Variants in LIN54 observed in about 807,000 individuals in gnomAD.
The protein encoded by LIN54 is lin-54 DREAM MuvB core complex component.
A neutral mutation model predicts 78.7 loss-of-function variants in LIN54; 9 were observed. That is an observed-to-expected ratio of 0.11 (90% CI 0.07 to 0.20). LIN54 has a LOEUF of 0.20. Ranked by LOEUF, LIN54 falls within the 10% of genes least tolerant of loss-of-function variation. The pLI is 1.00. For synonymous variants in LIN54, 269 were observed against 318.4 expected (o/e 0.84, Z 1.65); for missense variants, 573 against 889.9 (o/e 0.64, Z 4.53).
At chr4:82,977,100 TC>T (rs1349494912) in intron 3 of LIN54, among the ~76,000 whole-genome samples, 1 of 152,214 alleles carries the variant, frequency 6.6e-6, no homozygotes, top group African/African-American at 2.4e-5. Flanking sequence ...TTCAGACACT[TC>T]CGCGAACACC....
chr4:82,945,319 G>A (rs934310858), intron 5 of LIN54, among the ~76,000 whole-genome samples: 3 of 152,054 alleles, frequency 2.0e-5, no homozygotes, highest in Admixed American at 6.6e-5. Flanking sequence ...AAACTATCCC[G>A]ATCCTTTCAT....
At chr4:82,944,790 T>A (rs1723223750) in intron 5 of LIN54, 1 of 151,974 alleles carries the variant, frequency 6.6e-6, no homozygotes, top group Non-Finnish European at 1.5e-5. Flanking sequence ...GAACAAGGAG[T>A]TCCAACTGTA....
chr4:82,976,968 G>A (rs1484113929), intron 3 of LIN54, among the ~76,000 whole-genome samples: 1 of 152,138 alleles, frequency 6.6e-6, no homozygotes, highest in Non-Finnish European at 1.5e-5. Flanking sequence ...TTAAGTCCAT[G>A]CACAATTAAA....
chr4:82,988,364 T>C (rs1478409708), intron 1 of LIN54, among the ~76,000 whole-genome samples: 1 of 152,234 alleles, frequency 6.6e-6, no homozygotes, highest in Non-Finnish European at 1.5e-5. Context: ...TTCTATTCCT[T>C]TTTACTGCTG....
intron 2 of LIN54, among the ~76,000 whole-genome samples, chr4:82,982,929 C>A (rs998238613): frequency 6.6e-6 from 1 of 151,852 alleles, no homozygotes; most frequent in Non-Finnish European, 1.5e-5. Flanking sequence ...CCTATTATTT[C>A]TATGCATTCA....
At chr4:82,997,400 A>G (rs546139040) in intron 1 of LIN54, among the ~76,000 whole-genome samples, 44 of 152,246 alleles carry the variant, frequency 2.9e-4, no homozygotes, top group African/African-American at 1.0e-3. Flanking sequence ...ATTACATTCC[A>G]TCTTTAAATC....
At chr4:83,003,607 A>G (rs953924969) in intron 1 of LIN54, 5 of 152,040 alleles carry the variant, frequency 3.3e-5, no homozygotes. Context: ...GCTCACAGCA[A>G]CCTCCACCTG....
At chr4:82,984,039 AAAC>A (rs1437313138) in intron 2 of LIN54, 119 bp downstream of exon 2, 7 of 705,678 alleles carry the variant, frequency 9.9e-6, no homozygotes, top group Non-Finnish European at 1.6e-5. Flanking sequence ...CAATTACATA[AAAC>A]AACATTCAAA....
At chr4:82,945,130 C>T (rs983495578) in intron 5 of LIN54, among the ~76,000 whole-genome samples, 1 of 152,100 alleles carries the variant, frequency 6.6e-6, no homozygotes, top group African/African-American at 2.4e-5. Flanking sequence ...GCTGGGATTA[C>T]AGGAGTGAGC....
chr4:83,006,170 C>T (rs1339159046), intron 1 of LIN54, among the ~76,000 whole-genome samples: 2 of 152,046 alleles, frequency 1.3e-5, no homozygotes, highest in African/African-American at 4.8e-5. Flanking sequence ...AAACTATTGG[C>T]TGGGTGCAGT....
intron 3 of LIN54, among the ~76,000 whole-genome samples, chr4:82,971,649 C>T (rs1178965305): frequency 1.3e-5 from 2 of 152,072 alleles, no homozygotes; most frequent in Non-Finnish European, 2.9e-5. Context: ...TAGAACCAAT[C>T]TGTATCACAT....
chr4:82,987,543 C>A (rs1015753943), intron 1 of LIN54, among the ~76,000 whole-genome samples: 1 of 152,150 alleles, frequency 6.6e-6, no homozygotes, highest in Non-Finnish European at 1.5e-5. Flanking sequence ...CCCAACCCCC[C>A]ACCAGAACAT....
intron 4 of LIN54, among the ~76,000 whole-genome samples, chr4:82,965,608 G>A (rs1216772468): frequency 6.6e-6 from 1 of 152,202 alleles, no homozygotes; most frequent in East Asian, 1.9e-4. Context: ...AAAAGGTTGT[G>A]AATTTAGGGA....
chr4:83,012,678 C>A (rs1324728241), upstream of LIN54: 5 of 152,024 alleles, frequency 3.3e-5, no homozygotes, highest in Admixed American at 6.5e-5. Flanking sequence ...CCGGCCCGGG[C>A]TCCCGGAGGG....
chr4:82,947,249 T>TTTTTTG (rs1560733614), intron 4 of LIN54, among the ~76,000 whole-genome samples: 1 of 138,808 alleles, frequency 7.2e-6, no homozygotes, highest in African/African-American at 2.7e-5. Flanking sequence ...TTTTTTTTTT[T>TTTTTTG]GAAGACAGGG....
chr4:82,986,934 T>C (rs2126089942), intron 1 of LIN54, among the ~76,000 whole-genome samples: 1 of 152,254 alleles, frequency 6.6e-6, no homozygotes, highest in Admixed American at 6.5e-5. Context: ...TTAATTTGCC[T>C]AAGGTCACAT....
chr4:82,981,152 C>T (rs1726598199), intron 2 of LIN54, among the ~76,000 whole-genome samples: 1 of 151,902 alleles, frequency 6.6e-6, no homozygotes, highest in South Asian at 2.1e-4. Context: ...TGAAAAAAAA[C>T]TTACAAATAA....
chr4:82,949,153 T>C (rs1259320396), intron 4 of LIN54, among the ~76,000 whole-genome samples: 1 of 152,212 alleles, frequency 6.6e-6, no homozygotes, highest in Non-Finnish European at 1.5e-5. Flanking sequence ...GGGTTCCGTT[T>C]TCTGCACATC....
chr4:82,932,695 C>T (rs1437321254), intron 11 of LIN54, among the ~76,000 whole-genome samples: 3 of 150,866 alleles, frequency 2.0e-5, no homozygotes, highest in East Asian at 3.9e-4. Context: ...CATGGTGGCA[C>T]ATGCCTGTAA....
Sources: gnomAD v4.1 joint callset for allele counts (sites outside exome capture counted in the v4.1 genomes callset) on GRCh38, gnomAD v4.1.1 for gene constraint, MANE v1.5 for transcripts, NCBI Gene and HGNC (gene_info 2026-07-23, HGNC 2026-07-21) for gene names.